The following DDX10 variants were observed in gnomAD, a reference collection of about 807,000 sequenced individuals.
DDX10 encodes DEAD-box helicase 10.
A neutral mutation model predicts 104.3 loss-of-function variants in DDX10; 74 were observed. The observed-to-expected ratio is 0.71, with a 90% CI of 0.59 to 0.86. The LOEUF is 0.86. Ranked by LOEUF, DDX10 falls within the 40% of genes least tolerant of loss-of-function variation. The pLI is 0.00. For missense variants in DDX10, 952 were observed against 1,040.0 expected (o/e 0.92, Z 1.16); for synonymous variants, 351 against 353.4 (o/e 0.99, Z 0.08).
chr11:108,801,927 A>G lies in DDX10; in HGVS notation c.1966-36519A>G, dbSNP rs149910098. Among the ~76,000 whole-genome samples the G allele has an allele frequency of 3.8e-3, 577 of 152,252 alleles. 9 individuals are homozygous for G. The highest frequency in any genetic ancestry group is 0.013 in the African/African-American group (550 of 41,558). On this transcript the variant is annotated intron_variant, in intron 13 of 17. Coordinates refer to ENST00000322536, the MANE Select transcript of DDX10 (RefSeq NM_004398.4). ...AAAGAAAAATATAGAAATTCTCAAC[A>G]TAGCACTGTTCTAGTAAGCCTATTT... is the stretch of plus-strand genomic sequence containing the variant.
At chr11:108,778,679 C>A (rs1341902249) in intron 13 of DDX10, among the ~76,000 whole-genome samples, 63 of 152,070 alleles carry the variant, frequency 4.1e-4, no homozygotes, top group African/African-American at 1.5e-3. Context: ...GCAACAAATG[C>A]CAAAATTGAC....
chr11:108,713,978 G>T (rs2094288012), intron 10 of DDX10, among the ~76,000 whole-genome samples: 1 of 152,106 alleles, frequency 6.6e-6, no homozygotes, highest in African/African-American at 2.4e-5. Context: ...CTCCCCTCAG[G>T]TCAGTTAGGC....
intron 13 of DDX10, among the ~76,000 whole-genome samples, chr11:108,751,030 C>G (rs1170600116): frequency 7.1e-6 from 1 of 140,392 alleles, no homozygotes; most frequent in African/African-American, 2.6e-5. Flanking sequence ...GACCCTCCTG[C>G]CTTGGCCTCC....
chr11:108,838,166 C>T (rs186698490), intron 13 of DDX10, among the ~76,000 whole-genome samples: 6 of 151,868 alleles, frequency 4.0e-5, no homozygotes, highest in African/African-American at 1.5e-4. Context: ...ATTTTTAGTC[C>T]TTAAATATTA....
chr11:108,674,235 T>G (rs1770039192), intron 2 of DDX10, among the ~76,000 whole-genome samples: 1 of 151,892 alleles, frequency 6.6e-6, no homozygotes, highest in Admixed American at 6.6e-5. Flanking sequence ...GGGAATCACT[T>G]GAACCTGGGA....
At chr11:108,838,279 G>A (rs1862584466) in intron 13 of DDX10, 167 bp from the exon 14 acceptor site, 1 of 652,870 alleles carries the variant, frequency 1.5e-6, no homozygotes, top group Non-Finnish European at 2.4e-6. Flanking sequence ...GGAGTTCTTA[G>A]TTAATAAGTC....
intron 13 of DDX10, among the ~76,000 whole-genome samples, chr11:108,773,625 G>A (rs2094366166): frequency 6.6e-6 from 1 of 151,608 alleles, no homozygotes; most frequent in Admixed American, 6.6e-5. Context: ...GCTCTTCCTG[G>A]AATCTGATTC....
intron 13 of DDX10, among the ~76,000 whole-genome samples, chr11:108,752,234 G>A (rs1362562804): frequency 6.6e-6 from 1 of 152,054 alleles, no homozygotes; most frequent in African/African-American, 2.4e-5. Context: ...CATTTGTGAG[G>A]GGTCCTCCAA....
intron 16 of DDX10, among the ~76,000 whole-genome samples, chr11:108,870,302 A>G (rs1162837675): frequency 6.6e-6 from 1 of 152,200 alleles, no homozygotes; most frequent in Admixed American, 6.5e-5. Context: ...CCACTCTTCT[A>G]TCCCCAGTTT....
intron 9 of DDX10, among the ~76,000 whole-genome samples, chr11:108,694,091 G>A (rs966393828): frequency 1.3e-5 from 2 of 152,144 alleles, no homozygotes; most frequent in African/African-American, 4.8e-5. Context: ...GGACACAGTG[G>A]GATGGTGTGA....
At chr11:108,775,135 T>C (rs2094368246) in intron 13 of DDX10, among the ~76,000 whole-genome samples, 1 of 152,236 alleles carries the variant, frequency 6.6e-6, no homozygotes, top group South Asian at 2.1e-4. Context: ...CATCCTATTC[T>C]GAAAGAAGTG....
At chr11:108,668,947 T>C (rs889704846) in intron 1 of DDX10, among the ~76,000 whole-genome samples, 9 of 152,208 alleles carry the variant, frequency 5.9e-5, no homozygotes, top group African/African-American at 2.2e-4. Flanking sequence ...CTGGGTATGC[T>C]TCCCTTCCTC....
intron 15 of DDX10, among the ~76,000 whole-genome samples, chr11:108,842,905 T>C (rs541696709): frequency 6.6e-6 from 1 of 152,306 alleles, no homozygotes; most frequent in African/African-American, 2.4e-5. Flanking sequence ...TTACATAAAA[T>C]AATGTTCACC....
At chr11:108,847,774 A>G (rs1862738707) in intron 15 of DDX10, among the ~76,000 whole-genome samples, 1 of 152,196 alleles carries the variant, frequency 6.6e-6, no homozygotes, top group African/African-American at 2.4e-5. Flanking sequence ...ACCCTGCAGT[A>G]AGTTTACATG....
intron 13 of DDX10, among the ~76,000 whole-genome samples, chr11:108,809,928 C>T (rs1002599452): frequency 2.6e-5 from 4 of 152,128 alleles, no homozygotes; most frequent in South Asian, 2.1e-4. Context: ...TTTGAAGAAG[C>T]GGTAATAAAC....
In DDX10 at chr11:108,935,585, ATTTTT is replaced by A. The variant is rs147280056; in HGVS notation, c.2451-4656_2451-4652del. On this transcript the variant is annotated intron_variant, in intron 17 of 17. Transcript: ENST00000322536. ...TTTTATTTAAGATGACTGGTTCTTA[ATTTTT>A]TTTTATTTGAGGGGAGGTGGGCATG... 2.4e-3 allele frequency among the ~76,000 whole-genome samples: 366 copies of A among 151,810 alleles called. 4 individuals carry two copies. The highest frequency in any genetic ancestry group is 8.5e-3 in the African/African-American group (354 of 41,466).
chr11:108,912,004 G>C (rs1863687316), intron 16 of DDX10, among the ~76,000 whole-genome samples: 1 of 152,110 alleles, frequency 6.6e-6, no homozygotes, highest in African/African-American at 2.4e-5. Context: ...CTAAGCTTCT[G>C]TGTATATTCT....
At chr11:108,928,172 A>G (rs901528933) in intron 17 of DDX10, among the ~76,000 whole-genome samples, 2 of 152,184 alleles carry the variant, frequency 1.3e-5, no homozygotes, top group African/African-American at 4.8e-5. Flanking sequence ...CCACACTTGT[A>G]AGTTTATTGG....
intron 9 of DDX10, among the ~76,000 whole-genome samples, chr11:108,703,449 C>T (rs938835451): frequency 1.3e-5 from 2 of 151,996 alleles, no homozygotes; most frequent in African/African-American, 4.8e-5. Context: ...CCTGCCTTGG[C>T]CTCTCGAGTA....
Sources: gnomAD v4.1 joint callset for allele counts (sites outside exome capture counted in the v4.1 genomes callset) on GRCh38, gnomAD v4.1.1 for gene constraint, MANE v1.5 for transcripts, NCBI Gene and HGNC (gene_info 2026-07-23, HGNC 2026-07-21) for gene names.